The following MROH9 variants were observed in gnomAD, a reference collection of about 807,000 sequenced individuals.
MROH9 encodes the protein maestro heat like repeat family member 9, also known as maestro heat-like repeat-containing protein family member 9.
In MROH9, 92 loss-of-function variants were observed where a neutral mutation model predicts 98.2. The observed-to-expected ratio is 0.94, with a 90% CI of 0.79 to 1.11. The LOEUF is 1.11. Ranked by LOEUF, MROH9 falls within the 50% of genes most tolerant of loss-of-function variation. The pLI, the probability that MROH9 is intolerant of heterozygous loss-of-function variation, is 0.00. For missense variants in MROH9, 1,057 were observed against 1,014.8 expected (o/e 1.04, Z -0.57); for synonymous variants, 397 against 368.9 (o/e 1.08, Z -0.87).
chr1:171,019,697 C>A (rs1235590583), intron 17 of MROH9, among the ~76,000 whole-genome samples: 2 of 149,012 alleles, frequency 1.3e-5, no homozygotes, highest in Non-Finnish European at 3.0e-5. Context: ...CCTAACATCA[C>A]AATTAAAAGA....
chr1:171,060,259 C>T (rs1251692053), intron 20 of MROH9, among the ~76,000 whole-genome samples: 1 of 151,998 alleles, frequency 6.6e-6, no homozygotes, highest in African/African-American at 2.4e-5. Context: ...ACACATAAAA[C>T]AGGGAAACAT....
In MROH9 at chr1:170,940,683, T is replaced by G. The variant is rs536424433; in HGVS notation, c.-37-4837T>G. On this transcript the variant is annotated intron_variant, in intron 1 of 21. Coordinates refer to ENST00000367759, the MANE Select transcript of MROH9 (RefSeq NM_001163629.2). Reference sequence around the variant, plus strand: ...TACCACCTGGTTAAGCTTATGGTAATCCACTGTCATTCTCCAAGATCTATC... The same window carrying G: ...TACCACCTGGTTAAGCTTATGGTAAGCCACTGTCATTCTCCAAGATCTATC... 2.6e-5 allele frequency among the ~76,000 whole-genome samples: 4 copies of G among 152,358 alleles called. No homozygotes were observed. In the South Asian group the frequency reaches 8.3e-4, roughly 32 times the overall value.
intron 6 of MROH9, among the ~76,000 whole-genome samples, chr1:170,963,720 A>T (rs1650118617): frequency 6.6e-6 from 1 of 152,146 alleles, no homozygotes; most frequent in Non-Finnish European, 1.5e-5. Context: ...GCCTTAACAA[A>T]CTAACACAGA....
chr1:170,945,677 T>G (rs1453326851), intron 2 of MROH9, 96 bp downstream of exon 2: 2 of 1,048,924 alleles, frequency 1.9e-6, no homozygotes, highest in African/African-American at 3.3e-5. Flanking sequence ...TATACATCAT[T>G]CTGTAACCAT....
At chr1:170,956,309 G>A (rs1649755152) in intron 3 of MROH9, among the ~76,000 whole-genome samples, 1 of 151,834 alleles carries the variant, frequency 6.6e-6, no homozygotes, top group Non-Finnish European at 1.5e-5. Flanking sequence ...GCTCTTTTTT[G>A]GTTCCATATG....
chr1:170,995,621 T>C, intron 13 of MROH9, 90 bp downstream of exon 13: 1 of 1,380,308 alleles, frequency 7.2e-7, no homozygotes. Flanking sequence ...TGGGATTCTT[T>C]ACAGTCCCAT....
intron 8 of MROH9, among the ~76,000 whole-genome samples, chr1:170,976,054 G>A (rs1473475440): frequency 2.0e-5 from 3 of 152,064 alleles, no homozygotes; most frequent in Non-Finnish European, 4.4e-5. Flanking sequence ...CATTACATGT[G>A]AGATGGGTCT....
chr1:170,980,271 G>A (rs941594659), intron 8 of MROH9, among the ~76,000 whole-genome samples: 22 of 152,020 alleles, frequency 1.4e-4, no homozygotes, highest in African/African-American at 3.4e-4. Flanking sequence ...AAAAGACCCC[G>A]TAGAGCCAAG....
chr1:170,980,744 G>A (rs1650896969), intron 8 of MROH9, among the ~76,000 whole-genome samples: 1 of 152,132 alleles, frequency 6.6e-6, no homozygotes, highest in African/African-American at 2.4e-5. Context: ...AAAAGGAATT[G>A]CAAGAAAAGC....
At chr1:170,992,984 G>A (rs1651414767) in intron 12 of MROH9, among the ~76,000 whole-genome samples, 2 of 152,312 alleles carry the variant, frequency 1.3e-5, no homozygotes, top group South Asian at 2.1e-4. Flanking sequence ...CAGAGACAGA[G>A]TAGTATAAAG....
chr1:171,042,923 C>T (rs935711239), intron 20 of MROH9, among the ~76,000 whole-genome samples: 2 of 152,050 alleles, frequency 1.3e-5, no homozygotes, highest in African/African-American at 2.4e-5. Flanking sequence ...AACATTTTCT[C>T]CCATTGTGTG....
At chr1:170,937,631 C>G (rs1346235224) in intron 1 of MROH9, among the ~76,000 whole-genome samples, 1 of 149,384 alleles carries the variant, frequency 6.7e-6, no homozygotes, top group East Asian at 2.0e-4. Context: ...ACGCCATTCT[C>G]CTGCCTCAGC....
intron 17 of MROH9, among the ~76,000 whole-genome samples, chr1:171,020,320 C>G (rs1454476813): frequency 6.6e-6 from 1 of 152,130 alleles, no homozygotes; most frequent in Admixed American, 6.6e-5. Context: ...GAAAAGAAAA[C>G]TTCAGGGCAA....
intron 3 of MROH9, among the ~76,000 whole-genome samples, chr1:170,958,186 T>C (rs551500288): frequency 5.9e-5 from 9 of 152,318 alleles, no homozygotes; most frequent in Admixed American, 2.0e-4. Context: ...GAAGTGCATC[T>C]GGTAAAGAGC....
intron 8 of MROH9, among the ~76,000 whole-genome samples, chr1:170,983,000 A>G (rs1173201156): frequency 6.6e-6 from 1 of 152,198 alleles, no homozygotes. Context: ...CTTCTCCAGA[A>G]CTGAAGTTAT....
At chr1:170,988,050 T>G (rs1651216084) in intron 10 of MROH9, among the ~76,000 whole-genome samples, 2 of 152,256 alleles carry the variant, frequency 1.3e-5, no homozygotes, top group African/African-American at 2.4e-5. Context: ...CTGTATGTCC[T>G]CTGCTCCACT....
At chr1:171,018,818 A>G (rs140809013) in intron 17 of MROH9, among the ~76,000 whole-genome samples, 1 of 152,236 alleles carries the variant, frequency 6.6e-6, no homozygotes, top group Non-Finnish European at 1.5e-5. Context: ...TTTGAAGACT[A>G]TCTTGCTGAA....
At position 170,998,485 on chromosome 1, in the gene MROH9, G is replaced by T. The variant is rs74375018; in HGVS notation, c.1596+211G>T. ...GTCCCTTCAGCTTTCCCCAGCAGTT[G>T]GTTTTTCTCTGTTTCTAGGGGTGTG... On this transcript the variant is annotated intron_variant, in intron 15 of 21. Coordinates refer to ENST00000367759, the MANE Select transcript of MROH9 (RefSeq NM_001163629.2). The T allele has an allele frequency of 1.5e-3, 2,306 of 1,500,622 alleles. 29 individuals are homozygous for T. In the African/African-American group the frequency reaches 0.03, roughly 19 times the overall value. The allele number at this position is 1,500,622 out of a possible 1,614,324, so 93.0% of individuals were successfully genotyped here.
At chr1:170,995,346 G>GA in intron 12 of MROH9, 43 bp from the exon 13 acceptor site, 1 of 1,609,834 alleles carries the variant, frequency 6.2e-7, no homozygotes, top group Non-Finnish European at 8.5e-7. Context: ...CGGGTTTAGA[G>GA]AAAAATGTTT....
Sources: allele counts gnomAD v4.1 joint callset (sites outside exome capture counted in the v4.1 genomes callset), GRCh38; gene constraint gnomAD v4.1.1; transcripts MANE v1.5; gene names NCBI Gene and HGNC (gene_info 2026-07-23, HGNC 2026-07-21).